SATB2: variants seen among roughly 807,000 people sequenced by gnomAD.
The protein encoded by SATB2 is SATB homeobox 2.
Under a neutral mutation model 73.4 loss-of-function variants are expected in SATB2, and 1 was observed. That is an observed-to-expected ratio of 0.01 (90% CI 0.00 to 0.06). The LOEUF (loss-of-function observed/expected upper bound fraction) is 0.06, where lower values mean the gene tolerates loss of function less well. Ranked by LOEUF, SATB2 falls within the 10% of genes least tolerant of loss-of-function variation. The probability of loss-of-function intolerance (pLI) is 1.00; values close to 1 mark genes in which losing one functional copy is unlikely to be tolerated. For missense variants in SATB2, 459 were observed against 945.8 expected, an observed-to-expected ratio of 0.49 and a Z score of 6.75; for synonymous variants, 397 against 367.0, an observed-to-expected ratio of 1.08 and a Z score of -0.93.
chr2:199,439,721 A>C (rs1691755243), intron 2 of SATB2, among the ~76,000 whole-genome samples: 1 of 152,212 alleles, frequency 6.6e-6, no homozygotes, highest in East Asian at 1.9e-4. Flanking sequence ...TCTCTCTCAC[A>C]CTGACACAAT....
upstream of SATB2, chr2:199,458,489 T>C: frequency 2.6e-6 from 1 of 388,332 alleles, no homozygotes; most frequent in Non-Finnish European, 5.1e-6. Flanking sequence ...AGCGGGTGGG[T>C]GCGTCTGGGC....
At chr2:199,383,969 TG>T (rs1559019614) in intron 3 of SATB2, among the ~76,000 whole-genome samples, 1 of 152,230 alleles carries the variant, frequency 6.6e-6, no homozygotes, top group Non-Finnish European at 1.5e-5. Context: ...GGTGGTTGCA[TG>T]GTTATACAAA....
At chr2:199,355,606 CA>C (rs1192483325) in intron 6 of SATB2, among the ~76,000 whole-genome samples, 3 of 151,872 alleles carry the variant, frequency 2.0e-5, no homozygotes, top group African/African-American at 7.3e-5. Context: ...ACTGAAATTT[CA>C]AAGGCCTGGG....
chr2:199,448,421 A>G (rs898307404), intron 2 of SATB2, among the ~76,000 whole-genome samples: 2 of 152,204 alleles, frequency 1.3e-5, no homozygotes, highest in Admixed American at 6.5e-5. Flanking sequence ...AAAAAAATCA[A>G]TCACAATCAG....
intron 3 of SATB2, among the ~76,000 whole-genome samples, chr2:199,421,452 C>G (rs1295151520): frequency 1.3e-5 from 2 of 152,114 alleles, no homozygotes; most frequent in East Asian, 3.9e-4. Flanking sequence ...AGAAAAAAAC[C>G]TTCCTTCAGA....
chr2:199,403,978 G>C (rs1248224683), intron 3 of SATB2, among the ~76,000 whole-genome samples: 1 of 152,184 alleles, frequency 6.6e-6, no homozygotes, highest in African/African-American at 2.4e-5. Flanking sequence ...ATTATTCCTG[G>C]CTGGAGAAAG....
At chr2:199,354,820 A>C (rs2105831564) in intron 6 of SATB2, among the ~76,000 whole-genome samples, 1 of 152,238 alleles carries the variant, frequency 6.6e-6, no homozygotes, top group South Asian at 2.1e-4. Context: ...TTAACTCTAA[A>C]GTAGGTAGGG....
upstream of SATB2, among the ~76,000 whole-genome samples, chr2:199,465,491 G>T (rs1262101704): frequency 2.0e-5 from 3 of 152,146 alleles, no homozygotes; most frequent in African/African-American, 4.8e-5. Flanking sequence ...ATGATAAAAC[G>T]TTGTAATTTT....
intron 3 of SATB2, among the ~76,000 whole-genome samples, chr2:199,414,472 A>G (rs1453750483): frequency 6.6e-6 from 1 of 152,198 alleles, no homozygotes; most frequent in African/African-American, 2.4e-5. Context: ...ATAGTCACTT[A>G]TTAAATTGAA....
intron 2 of SATB2, among the ~76,000 whole-genome samples, chr2:199,441,560 C>G (rs891833818): frequency 2.0e-5 from 3 of 152,164 alleles, no homozygotes; most frequent in African/African-American, 7.2e-5. Flanking sequence ...CCAGATACTA[C>G]TTTGCAACCC....
intron 10 of SATB2, among the ~76,000 whole-genome samples, chr2:199,282,398 A>C (rs573823516): frequency 6.6e-6 from 1 of 152,326 alleles, no homozygotes; most frequent in African/African-American, 2.4e-5. Context: ...ATAACCTATA[A>C]GATGGCATTG....
chr2:199,457,125 CGGGTCAAGGAGACAAGGTGG>C lies in SATB2; in HGVS notation c.-60+194_-60+213del, dbSNP rs1010503912. Among the ~76,000 whole-genome samples the C allele has an allele frequency of 3.3e-5, 5 of 152,052 alleles. No individual in the cohort carries two copies. The highest frequency in any genetic ancestry group is 5.9e-5 in the Non-Finnish European group (4 of 67,984). On this transcript the variant is annotated intron_variant, in intron 1 of 10. Coordinates refer to ENST00000417098, the MANE Select transcript of SATB2 (RefSeq NM_001172509.2). This position sits in a 1 kb window ranked among gnomAD's most constrained non-coding sequence, Gnocchi z 4.8. ...GGCCGCGCGAGCAGTGTCGGCGCCA[CGGGTCAAGGAGACAAGGTGG>C]GGGTGGCAGGGGGAGGTGAAAGGAA...
chr2:199,403,509 G>A (rs1413838715), intron 3 of SATB2, among the ~76,000 whole-genome samples: 1 of 152,076 alleles, frequency 6.6e-6, no homozygotes, highest in East Asian at 1.9e-4. Context: ...GTAACACCAA[G>A]GGGGAATTTT....
Position 199,308,791 on chromosome 2 carries a change from T to A in SATB2, c.1709A>T (p.His570Leu), listed in dbSNP as rs773498253. ...SRHHHSERMQ[H>L]VVQLPPEPVQ... ...CGGCTCAGGGGGAAGCTGGACCACGTGTTGCATGCGTTCGCTGTGGTGATG... is the reference window on the plus strand; with the variant it reads ...CGGCTCAGGGGGAAGCTGGACCACGAGTTGCATGCGTTCGCTGTGGTGATG... The change falls in exon 10 of 11, where the codon CAC becomes CTC. Residue 570 changes from histidine (H) to leucine (L), a missense_variant. This residue lies in a region of SATB2 where 74 missense variants were observed against 136.1 expected (regional missense o/e 0.54). Transcript: ENST00000417098. The surrounding 1 kb of genome is among the most constrained non-coding windows in gnomAD (Gnocchi z 4.6). 1 of 1,614,098 alleles carries A rather than the reference T, an allele frequency of 6.2e-7. No individual in the cohort carries two copies. Among genetic ancestry groups the A allele is most frequent in the Admixed American group, 1.7e-5 (1 of 60,024 alleles).
intron 9 of SATB2, among the ~76,000 whole-genome samples, chr2:199,314,730 G>A (rs1687683984): frequency 6.6e-6 from 1 of 152,062 alleles, no homozygotes; most frequent in African/African-American, 2.4e-5. Context: ...CACCAGGTGG[G>A]GAGAGGACTG....
At chr2:199,426,195 A>G (rs1018003066) in intron 3 of SATB2, among the ~76,000 whole-genome samples, 2 of 152,228 alleles carry the variant, frequency 1.3e-5, no homozygotes, top group African/African-American at 4.8e-5. Context: ...TTTAGTGTTT[A>G]AAGAAGAAAA....
At chr2:199,426,127 C>T (rs749374749) in intron 3 of SATB2, among the ~76,000 whole-genome samples, 3 of 151,840 alleles carry the variant, frequency 2.0e-5, no homozygotes, top group East Asian at 1.9e-4. Flanking sequence ...TGTCTAAATA[C>T]GTATATTTTT....
In SATB2 at chr2:199,272,309, C is replaced by T. The variant is rs1443276216; in HGVS notation, c.2104G>A (p.Asp702Asn). ...ATCTCCTCGGAGCCTTCCTCGCTGT[C>T]GTTCTCCTCTGACTCGGTCAGCAGC... ...EELLTESEENDSEEGSEEMYK... is the reference protein window; with the variant it reads ...EELLTESEENNSEEGSEEMYK... The change falls in exon 11 of 11, where the codon GAC (aspartate) becomes AAC (asparagine). Residue 702 changes from aspartate (D) to asparagine (N), a missense_variant. By Grantham distance (23) the Asp-to-Asn change is conservative (BLOSUM62 1). Transcript: ENST00000417098. The surrounding 1 kb of genome is among the most constrained non-coding windows in gnomAD (Gnocchi z 6.7). The T allele has an allele frequency of 1.9e-6, 3 of 1,614,196 alleles. No homozygotes were observed. Among genetic ancestry groups the T allele is most frequent in the South Asian group, 1.1e-5 (1 of 91,076 alleles).
intron 3 of SATB2, among the ~76,000 whole-genome samples, chr2:199,417,770 A>G (rs1244489497): frequency 1.3e-5 from 2 of 152,220 alleles, no homozygotes; most frequent in Non-Finnish European, 2.9e-5. Context: ...GCCTGTGTAA[A>G]TATTTAAGTA....
Sources: allele counts gnomAD v4.1 joint callset (sites outside exome capture counted in the v4.1 genomes callset), GRCh38; gene constraint gnomAD v4.1.1; regional missense constraint gnomAD v4.1.1; non-coding constraint Gnocchi (gnomAD v3.1); transcripts MANE v1.5; gene names NCBI Gene and HGNC (gene_info 2026-07-23, HGNC 2026-07-21).